CLIC6: variants seen among roughly 807,000 people sequenced by gnomAD.
CLIC6 encodes the protein chloride intracellular channel protein 6.
In CLIC6, 39 loss-of-function variants were observed where a neutral mutation model predicts 49.2. The ratio of observed to expected loss-of-function variants is 0.79; its 90% CI spans 0.61 to 1.04. CLIC6 has a LOEUF of 1.04. Ranked by LOEUF, CLIC6 falls within the 50% of genes least tolerant of loss-of-function variation. CLIC6 has a pLI of 0.00. For synonymous variants in CLIC6, 446 were observed against 433.4 expected (o/e 1.03, Z -0.36); for missense variants, 988 against 993.1 (o/e 0.99, Z 0.07).
At chr21:34,707,245 C>T (rs1489607947) in intron 1 of CLIC6, 35 bp from the exon 2 acceptor site, 3 of 1,488,682 alleles carry the variant, frequency 2.0e-6, no homozygotes, top group Non-Finnish European at 2.8e-6. Context: ...AATTGTGAGA[C>T]TGGCTCAGAT....
chr21:34,671,547 G>A (rs182565515), intron 1 of CLIC6, among the ~76,000 whole-genome samples: 1 of 152,246 alleles, frequency 6.6e-6, no homozygotes, highest in Admixed American at 6.5e-5. Context: ...ATTTAAACAG[G>A]AATTATTTAC....
At chr21:34,688,883 T>C (rs1384833337) in intron 1 of CLIC6, among the ~76,000 whole-genome samples, 1 of 152,214 alleles carries the variant, frequency 6.6e-6, no homozygotes, top group Non-Finnish European at 1.5e-5. Context: ...AGAAGCCTGC[T>C]TGTATTCTAT....
chr21:34,707,866 T>G, intron 2 of CLIC6, 78 bp from the exon 3 acceptor site: 1 of 1,515,208 alleles, frequency 6.6e-7, no homozygotes, highest in Non-Finnish European at 9.1e-7. Context: ...CTTAAACTGG[T>G]GAGGACGCGG....
intron 3 of CLIC6, 62 bp from the exon 4 acceptor site, chr21:34,708,638 T>G: frequency 8.8e-7 from 1 of 1,131,466 alleles, no homozygotes; most frequent in Admixed American, 1.8e-5. Context: ...TTCTCCATTG[T>G]ATAGTATTAT....
In CLIC6 at chr21:34,708,822, C is replaced by A. The variant is rs377187283; in HGVS notation, c.1717+16C>A. 1.2e-5 allele frequency: 18 copies of A among 1,565,028 alleles called. No homozygotes were observed. The highest frequency in any genetic ancestry group is 1.7e-4 in the Middle Eastern group (1 of 5,976). ...GCAAATGAGAGTGAGTACCTCCCAT[C>A]CTCCTGTTTTGTTTCAACACAGACT... On this transcript the variant is annotated intron_variant, in intron 4 of 5. Coordinates refer to ENST00000349499, the MANE Select transcript of CLIC6 (RefSeq NM_053277.3).
At chr21:34,672,773 T>C (rs566380439) in intron 1 of CLIC6, among the ~76,000 whole-genome samples, 1 of 152,348 alleles carries the variant, frequency 6.6e-6, no homozygotes, top group Admixed American at 6.5e-5. Flanking sequence ...CCGTGTGACC[T>C]TGGGCAAGTT....
intron 1 of CLIC6, among the ~76,000 whole-genome samples, chr21:34,700,425 C>A (rs1256235690): frequency 8.6e-6 from 1 of 115,864 alleles, no homozygotes; most frequent in Non-Finnish European, 1.7e-5. Context: ...CCAGCCTGGG[C>A]GACAGAGCGA....
intron 1 of CLIC6, among the ~76,000 whole-genome samples, chr21:34,687,266 A>C (rs921838655): frequency 4.6e-5 from 7 of 152,134 alleles, no homozygotes; most frequent in Non-Finnish European, 1.0e-4. Flanking sequence ...CTTTTGAGTC[A>C]CTGTAGGGAT....
chr21:34,687,342 C>G (rs1989902450), intron 1 of CLIC6, among the ~76,000 whole-genome samples: 1 of 152,156 alleles, frequency 6.6e-6, no homozygotes, highest in Admixed American at 6.5e-5. Context: ...CAATATTAAG[C>G]AGGCTTTCTA....
intron 1 of CLIC6, among the ~76,000 whole-genome samples, chr21:34,688,452 G>A (rs1008520709): frequency 6.6e-6 from 1 of 152,240 alleles, no homozygotes; most frequent in African/African-American, 2.4e-5. Context: ...TGGCCTTACA[G>A]AGAGGCTAAG....
intron 1 of CLIC6, 75 bp from the exon 2 acceptor site, chr21:34,707,205 G>T: frequency 9.3e-7 from 1 of 1,076,214 alleles, no homozygotes; most frequent in Non-Finnish European, 1.4e-6. Flanking sequence ...CAATGATTTT[G>T]CATGTGCATG....
At position 34,710,293 on chromosome 21, in the gene CLIC6, TA is replaced by T. The variant is rs200023809; in HGVS notation, c.1899+756del. 3.3e-3 allele frequency among the ~76,000 whole-genome samples: 498 copies of T among 151,994 alleles called. 4 individuals are homozygous for T. The highest frequency in any genetic ancestry group is 0.011 in the African/African-American group (466 of 41,438). On this transcript the variant is annotated intron_variant, in intron 5 of 5. Coordinates refer to ENST00000349499, the MANE Select transcript of CLIC6 (RefSeq NM_053277.3). ...ACCCCATCTCTAAAAACAATTAGGTTATTAATTATTTATTTATTTTAAAAAA... is the reference window on the plus strand; with the variant it reads ...ACCCCATCTCTAAAAACAATTAGGTTTTAATTATTTATTTATTTTAAAAAA...
intron 1 of CLIC6, among the ~76,000 whole-genome samples, chr21:34,692,822 T>C (rs2145808432): frequency 6.6e-6 from 1 of 152,336 alleles, no homozygotes; most frequent in Middle Eastern, 3.4e-3. Context: ...CAGGGAGCTG[T>C]GCATTTCTAA....
At chr21:34,678,159 A>G (rs185849108) in intron 1 of CLIC6, among the ~76,000 whole-genome samples, 1 of 151,594 alleles carries the variant, frequency 6.6e-6, no homozygotes, top group East Asian at 1.9e-4. Context: ...TGGCTGGGTG[A>G]GGTGGCTCAC....
chr21:34,709,677 GC>G (rs2056042547), intron 5 of CLIC6, 139 bp downstream of exon 5: 10 of 755,620 alleles, frequency 1.3e-5, no homozygotes, highest in Non-Finnish European at 2.1e-5. Flanking sequence ...TCTGTTCGGG[GC>G]AGCCAAGCCC....
intron 1 of CLIC6, among the ~76,000 whole-genome samples, chr21:34,684,511 T>G (rs888244089): frequency 1.3e-5 from 2 of 152,260 alleles, no homozygotes; most frequent in Non-Finnish European, 2.9e-5. Flanking sequence ...AAATAGCTAC[T>G]CTGTCAGGTG....
chr21:34,684,170 C>T (rs1989833060), intron 1 of CLIC6, among the ~76,000 whole-genome samples: 1 of 151,948 alleles, frequency 6.6e-6, no homozygotes, highest in South Asian at 2.1e-4. Flanking sequence ...TGATTACCTG[C>T]CAAGTAGCAG....
At chr21:34,705,276 C>T (rs1375910376) in intron 1 of CLIC6, among the ~76,000 whole-genome samples, 1 of 152,100 alleles carries the variant, frequency 6.6e-6, no homozygotes, top group Non-Finnish European at 1.5e-5. Flanking sequence ...AGAGGGTTCC[C>T]AGGTCATCAG....
intron 4 of CLIC6, 61 bp downstream of exon 4, chr21:34,708,867 C>T: frequency 8.5e-7 from 1 of 1,175,968 alleles, no homozygotes; most frequent in East Asian, 2.4e-5. Flanking sequence ...GCATGGCGGC[C>T]CATACGCTCC....
Sources: gnomAD v4.1 joint callset for allele counts (sites outside exome capture counted in the v4.1 genomes callset) on GRCh38, gnomAD v4.1.1 for gene constraint, MANE v1.5 for transcripts, NCBI Gene and HGNC (gene_info 2026-07-23, HGNC 2026-07-21) for gene names.